ACO1: variants seen among roughly 807,000 people sequenced by gnomAD.
ACO1 encodes the protein aconitase 1, also known as cytoplasmic aconitate hydratase.
In ACO1, 78 loss-of-function variants were observed where a neutral mutation model predicts 105.1. The ratio of observed to expected loss-of-function variants is 0.74; its 90% CI spans 0.62 to 0.90. ACO1 has a LOEUF of 0.90. Among genes scored for constraint, ACO1 ranks in the 40% least tolerant of loss-of-function variants. The probability of loss-of-function intolerance (pLI) is 0.00; values close to 1 mark genes in which losing one functional copy is unlikely to be tolerated. For synonymous variants in ACO1, 364 were observed against 397.4 expected (o/e 0.92, Z 1.00); for missense variants, 965 against 1,111.1 (o/e 0.87, Z 1.87).
rs111799226 is a variant in ACO1 at position 32,413,424 on chromosome 9, C to T, written c.405-4704C>T. Among the ~76,000 whole-genome samples, 143 of 146,988 alleles carry T rather than the reference C, an allele frequency of 9.7e-4. 1 individual carries two copies. The highest frequency in any genetic ancestry group is 3.6e-3 in the African/African-American group (140 of 39,384). ...GCTTGAATCTGCAAGGTGGAGGTTG[C>T]AGTGAGCTGAGATTGTGCCACTGCA... is the stretch of plus-strand genomic sequence containing the variant. On this transcript the variant is annotated intron_variant, in intron 4 of 20. Transcript: ENST00000309951.
chr9:32,450,229 A>G lies in ACO1; in HGVS notation c.*118A>G. On this transcript the variant is annotated 3_prime_UTR_variant, in exon 21 of 21. Transcript: ENST00000309951. Reference sequence around the variant, plus strand: ...GGGGTGCTGCCTTGTAGATGGAGCAAGTGAGCACTGAGGGTCTGGTGCCAA... The same window carrying G: ...GGGGTGCTGCCTTGTAGATGGAGCAGGTGAGCACTGAGGGTCTGGTGCCAA... The G allele has an allele frequency of 1.2e-6, 1 of 803,920 alleles. No individual in the cohort carries two copies. The highest frequency in any genetic ancestry group is 2.4e-5 in the East Asian group (1 of 41,048). 49.8% of individuals were successfully genotyped at this position (803,920 alleles called of 1,614,324 possible). A position where few individuals can be genotyped will look rare whatever the true frequency, so the allele number is the denominator to read the frequency against.
At position 32,415,001 on chromosome 9, in the gene ACO1, G is replaced by A. The variant is rs142536085; in HGVS notation, c.405-3127G>A. On this transcript the variant is annotated intron_variant, in intron 4 of 20. Transcript: ENST00000309951. ...GGAGTCTGTGGGTTTTTCAAGGAGC[G>A]TCACCTGATCTGGATCCTGAGCCTG... Among the ~76,000 whole-genome samples the A allele has an allele frequency of 4.2e-4, 64 of 152,076 alleles. No homozygotes were observed. The East Asian group carries it at 6.2e-3, about 15-fold the overall frequency.
intron 8 of ACO1, among the ~76,000 whole-genome samples, chr9:32,422,973 A>G (rs1404270126): frequency 6.6e-6 from 1 of 152,184 alleles, no homozygotes; most frequent in Non-Finnish European, 1.5e-5. Context: ...GTTGAAGGCA[A>G]ATGCATAGGT....
intron 8 of ACO1, 33 bp from the exon 9 acceptor site, chr9:32,423,286 A>G (rs370482393): frequency 3.0e-5 from 38 of 1,275,934 alleles, no homozygotes; most frequent in Admixed American, 1.3e-4. Flanking sequence ...ATACTAACCT[A>G]TGTTACTTGT....
rs1293436440 is a variant in ACO1, at chr9:32,450,355, G to A, written c.*244G>A. On this transcript the variant is annotated 3_prime_UTR_variant, in exon 21 of 21. Transcript: ENST00000309951. ...AGCTAGAATGGTGGGAATGTCAGTAGTGCCAGAAAGAGAGAACCAAGCTTG... is the reference window on the plus strand; with the variant it reads ...AGCTAGAATGGTGGGAATGTCAGTAATGCCAGAAAGAGAGAACCAAGCTTG... 1.8e-6 allele frequency: 1 copy of A among 559,668 alleles called. No homozygotes were observed. Among genetic ancestry groups the A allele is most frequent in the African/African-American group, 1.9e-5 (1 of 53,022 alleles). The allele number at this position is 559,668 out of a possible 1,614,324, so 34.7% of individuals were successfully genotyped here. A position where few individuals can be genotyped will look rare whatever the true frequency, so the allele number is the denominator to read the frequency against.
At chr9:32,424,238 G>A (rs1490861639) in intron 9 of ACO1, among the ~76,000 whole-genome samples, 2 of 152,128 alleles carry the variant, frequency 1.3e-5, no homozygotes, top group Admixed American at 6.5e-5. Context: ...TATAAAACGC[G>A]ATGAGCTGCC....
In ACO1 at chr9:32,450,123, T is replaced by C. The variant is rs1822726733; in HGVS notation, c.*12T>C. On this transcript the variant is annotated 3_prime_UTR_variant, in exon 21 of 21. Transcript: ENST00000309951. ...AGATGGCCAAGTAGGAGACGTGCAC[T>C]TGGTGCTGCGCCCAGGGAGGAAGCC... 6.2e-7 allele frequency: 1 copy of C among 1,604,302 alleles called. No individual in the cohort carries two copies. The highest frequency in any genetic ancestry group is 1.1e-5 in the South Asian group (1 of 90,828).
At position 32,439,350 on chromosome 9, in the gene ACO1, C is replaced by T. The variant is rs374155417; in HGVS notation, c.2248-1115C>T. Among the ~76,000 whole-genome samples, 7 of 152,132 alleles carry T rather than the reference C, an allele frequency of 4.6e-5. No individual in the cohort carries two copies. Among genetic ancestry groups the T allele is most frequent in the African/African-American group, 1.4e-4 (6 of 41,424 alleles). On this transcript the variant is annotated intron_variant, in intron 18 of 20. Coordinates refer to ENST00000309951, the MANE Select transcript of ACO1 (RefSeq NM_002197.3). This position sits in a 1 kb window ranked among gnomAD's most constrained non-coding sequence, Gnocchi z 4.0. ...AGCTGAAGACATACAGAATCCTATC[C>T]GGGTTTAGGTAATGCATGCGAAATT...
chr9:32,413,482 C>CAAAAA (rs35294620), intron 4 of ACO1, among the ~76,000 whole-genome samples: 1 of 132,640 alleles, frequency 7.5e-6, no homozygotes. Context: ...GACTCTATCT[C>CAAAAA]AAAAAAAAAA....
chr9:32,388,546 G>C (rs991412488), intron 1 of ACO1, among the ~76,000 whole-genome samples: 3 of 151,822 alleles, frequency 2.0e-5, no homozygotes, highest in Non-Finnish European at 4.4e-5. Context: ...AAAAATCCTC[G>C]TTATATATGT....
At chr9:32,440,811 T>A (rs187368343) in intron 19 of ACO1, among the ~76,000 whole-genome samples, 6 of 152,334 alleles carry the variant, frequency 3.9e-5, no homozygotes, top group Non-Finnish European at 1.5e-5. Context: ...TTAATGGACC[T>A]TGGGGGCATG....
At chr9:32,414,617 C>T (rs182255294) in intron 4 of ACO1, among the ~76,000 whole-genome samples, 75 of 152,266 alleles carry the variant, frequency 4.9e-4, no homozygotes, top group African/African-American at 1.7e-3. Context: ...AACATTCCTC[C>T]GTCAATCATC....
intron 17 of ACO1, among the ~76,000 whole-genome samples, chr9:32,435,083 G>A (rs1822326773): frequency 6.6e-6 from 1 of 152,150 alleles, no homozygotes; most frequent in Non-Finnish European, 1.5e-5. Flanking sequence ...CGTTTACAGA[G>A]CACTGCTTGG....
In ACO1 at chr9:32,396,749, T is replaced by C. The variant is rs181044258; in HGVS notation, c.-22-8736T>C. ...CTGTCTCCTTCCATTAAAATGGAAG[T>C]ACTATGAGGGCAGGGACTCTGTCTC... On this transcript the variant is annotated intron_variant, in intron 1 of 20. Transcript: ENST00000309951. Among the ~76,000 whole-genome samples, 283 of 152,308 alleles carry C rather than the reference T, an allele frequency of 1.9e-3. 1 individual carries two copies. The highest frequency in any genetic ancestry group is 2.3e-3 in the Non-Finnish European group (159 of 68,028).
rs1170001153 is a variant in ACO1, at chr9:32,452,155, C to G, written c.*2044C>G. On this transcript the variant is annotated 3_prime_UTR_variant, in exon 21 of 21. Transcript: ENST00000309951. ...TAAGATCAGTCCTAGAATAAAAACA[C>G]TAAGAATGGCTGAGAAAACAGACCT... 6.6e-6 allele frequency: 1 copy of G among 152,214 alleles called. No individual in the cohort carries two copies. Among genetic ancestry groups the G allele is most frequent in the East Asian group, 1.9e-4 (1 of 5,192 alleles). The allele number at this position is 152,214 out of a possible 1,614,324, so 9.4% of individuals were successfully genotyped here. A position where few individuals can be genotyped will look rare whatever the true frequency, so the allele number is the denominator to read the frequency against.
At position 32,425,926 on chromosome 9, in the gene ACO1, A is replaced by T. The variant is rs1432137199; in HGVS notation, c.1277A>T (p.His426Leu). ...IYDNTEFTLA[H>L]GSVVIAAITS... ...GATAACACTGAATTCACCCTTGCTC[A>T]TGGTTCTGTGGTCATTGCTGCCATT... is the stretch of plus-strand genomic sequence containing the variant. The change falls in exon 11 of 21, where the codon CAT becomes CTT. Residue 426 changes from histidine to leucine, a missense_variant. Coordinates refer to ENST00000309951, the MANE Select transcript of ACO1 (RefSeq NM_002197.3). 1 of 1,614,116 alleles carries T rather than the reference A, an allele frequency of 6.2e-7. No individual in the cohort carries two copies. Among genetic ancestry groups the T allele is most frequent in the Non-Finnish European group, 8.5e-7 (1 of 1,179,972 alleles).
intron 12 of ACO1, among the ~76,000 whole-genome samples, chr9:32,428,620 C>T (rs1055526022): frequency 1.1e-4 from 16 of 152,112 alleles, no homozygotes; most frequent in Admixed American, 9.8e-4. Flanking sequence ...AGGCAGATCA[C>T]GAGATCATGA....
At position 32,440,457 on chromosome 9, in the gene ACO1, T is replaced by C; in HGVS notation, c.2248-8T>C. On this transcript the variant is annotated splice_region_variant and splice_polypyrimidine_tract_variant and intron_variant, in intron 18 of 20. Coordinates refer to ENST00000309951, the MANE Select transcript of ACO1 (RefSeq NM_002197.3). Reference sequence around the variant, plus strand: ...TGCATCTGTAAAACTTCCTTTTCTCTTCCTCAGCTTGATGTGTTTGATGCT... The same window carrying C: ...TGCATCTGTAAAACTTCCTTTTCTCCTCCTCAGCTTGATGTGTTTGATGCT... 3 of 1,613,516 alleles carry C rather than the reference T, an allele frequency of 1.9e-6. No homozygotes were observed. The highest frequency in any genetic ancestry group is 2.5e-6 in the Non-Finnish European group (3 of 1,179,616).
In ACO1 at chr9:32,384,662, C is replaced by T. The variant is rs894019641; in HGVS notation, c.-96C>T. The T allele has an allele frequency of 5.0e-6, 2 of 397,218 alleles. No homozygotes were observed. The highest frequency in any genetic ancestry group is 2.9e-5 in the Admixed American group (1 of 34,368). The allele number at this position is 397,218 out of a possible 1,614,324, so 24.6% of individuals were successfully genotyped here. ...AGCGTGGAGGCGGCAGCTGGAACCG[C>T]GCAGCGCACGGGAACGCGTCCCGCT... On this transcript the variant is annotated 5_prime_UTR_variant, in exon 1 of 21. Transcript: ENST00000309951.
Sources: allele counts gnomAD v4.1 joint callset (sites outside exome capture counted in the v4.1 genomes callset), GRCh38; gene constraint gnomAD v4.1.1; non-coding constraint Gnocchi (gnomAD v3.1); transcripts MANE v1.5; gene names NCBI Gene and HGNC (gene_info 2026-07-23, HGNC 2026-07-21).